The following FAT2 variants were observed in gnomAD, a reference collection of about 807,000 sequenced individuals.
FAT2 encodes the protein FAT atypical cadherin 2.
A neutral mutation model predicts 295.3 loss-of-function variants in FAT2; 150 were observed. The observed-to-expected ratio is 0.51, with a 90% CI of 0.44 to 0.58. The LOEUF (loss-of-function observed/expected upper bound fraction) is 0.58. Ranked by LOEUF, FAT2 falls within the 20% of genes least tolerant of loss-of-function variation. FAT2 has a pLI of 0.00. For missense variants in FAT2, 4,868 were observed against 5,442.7 expected, an observed-to-expected ratio of 0.89 and a Z score of 3.32; for synonymous variants, 2,026 against 2,150.3, an observed-to-expected ratio of 0.94 and a Z score of 1.60.
At chr5:151,581,812 G>C (rs1233614410) in intron 1 of FAT2, among the ~76,000 whole-genome samples, 1 of 152,142 alleles carries the variant, frequency 6.6e-6, no homozygotes, top group African/African-American at 2.4e-5. Flanking sequence ...AATTGTGAAG[G>C]GGGAGGATCA....
At position 151,566,905 on chromosome 5, in the gene FAT2, A is replaced by C; in HGVS notation, c.2027T>G (p.Leu676Trp). 6.2e-7 allele frequency: 1 copy of C among 1,614,164 alleles called. No homozygotes were observed. The highest frequency in any genetic ancestry group is 8.5e-7 in the Non-Finnish European group (1 of 1,180,024). ...VPVTCDKTGV[L>W]TQFTKTILHF... ...GAGGATAGTCTTTGTGAATTGTGTC[A>C]ATACCCCTGTTTTATCACATGTTAC... is the stretch of plus-strand genomic sequence containing the variant. Residue 676 changes from leucine to tryptophan, a missense_variant, in exon 2 of 24, where the codon TTG (leucine) becomes TGG (tryptophan). By Grantham distance (61) the Leu-to-Trp change is moderately conservative. Coordinates refer to ENST00000261800, the MANE Select transcript of FAT2 (RefSeq NM_001447.3).
upstream of FAT2, among the ~76,000 whole-genome samples, chr5:151,592,131 T>A (rs1759435970): frequency 6.6e-6 from 1 of 152,246 alleles, no homozygotes; most frequent in South Asian, 2.1e-4. Flanking sequence ...TGATGCGTTT[T>A]ATGAGGTGCC....
chr5:151,524,333 G>A (rs1581322831), intron 18 of FAT2, among the ~76,000 whole-genome samples: 1 of 152,164 alleles, frequency 6.6e-6, no homozygotes, highest in East Asian at 1.9e-4. Context: ...TGGACTCTAT[G>A]TTTGTGTCCC....
chr5:151,563,203 G>T, intron 3 of FAT2, 122 bp downstream of exon 3: 1 of 912,614 alleles, frequency 1.1e-6, no homozygotes, highest in South Asian at 1.6e-5. Context: ...AGTGGATTTA[G>T]GGTGGGGCCA....
chr5:151,527,260 G>T lies in FAT2; in HGVS notation c.10282C>A (p.Gln3428Lys). 6.2e-7 allele frequency: 1 copy of T among 1,612,546 alleles called. No homozygotes were observed. Among genetic ancestry groups the T allele is most frequent in the Non-Finnish European group, 8.5e-7 (1 of 1,179,002 alleles). The change falls in exon 17 of 24, where the codon CAG (glutamine) becomes AAG (lysine). Residue 3428 changes from glutamine to lysine, a missense_variant. Physicochemically the swap from Gln to Lys is moderately conservative, Grantham distance 53 (BLOSUM62 1). Around this residue, in one of 5 missense-constraint regions of FAT2, gnomAD observed 1,046 missense variants for 1,210.1 expected, o/e 0.86. Coordinates refer to ENST00000261800, the MANE Select transcript of FAT2 (RefSeq NM_001447.3). Reference sequence around the variant, plus strand: ...TGGACAGTGGTGCTGTAGTTGAGCTGGAAGAATCTCGGTGGGTTATCATTG... The same window carrying T: ...TGGACAGTGGTGCTGTAGTTGAGCTTGAAGAATCTCGGTGGGTTATCATTG... ...DVNDNPPRFF[Q>K]LNYSTTVQEN...
chr5:151,527,411 A>G (rs2127586576), intron 16 of FAT2, 34 bp from the exon 17 acceptor site: 1 of 1,552,754 alleles, frequency 6.4e-7, no homozygotes, highest in Non-Finnish European at 8.7e-7. Context: ...GTTAGCAATG[A>G]GGTAGCTGTC....
Position 151,543,119 on chromosome 5 carries a change from G to A in FAT2, c.8008C>T (p.His2670Tyr). The change falls in exon 10 of 24, where the codon CAC becomes TAC. Residue 2670 changes from histidine (H) to tyrosine (Y), a missense_variant. His to Tyr is a moderately conservative substitution (Grantham distance 83). Coordinates refer to ENST00000261800, the MANE Select transcript of FAT2 (RefSeq NM_001447.3). ...FIKAQDGGPP[H>Y]WNSLVPVRLQ... The stretch of plus-strand genomic sequence containing the variant: ...CGTACTGGCACCAGAGAGTTCCAGT[G>A]AGGAGGGCCTCCATCTTGGGCTTTG... 6.2e-7 allele frequency: 1 copy of A among 1,614,180 alleles called. No individual in the cohort carries two copies. Among genetic ancestry groups the A allele is most frequent in the Non-Finnish European group, 8.5e-7 (1 of 1,180,038 alleles).
intron 6 of FAT2, among the ~76,000 whole-genome samples, chr5:151,552,907 C>T (rs146498730): frequency 6.6e-6 from 1 of 152,324 alleles, no homozygotes; most frequent in East Asian, 1.9e-4. Context: ...TTTTAGGTCT[C>T]CTAGGCCCTT....
rs757064776 is a variant in FAT2, at chr5:151,545,959, A to AT, written c.5167dup (p.Ile1723AsnfsTer19). On this transcript the variant is annotated frameshift_variant, in exon 10 of 24. Transcript: ENST00000261800. LOFTEE classifies it high-confidence loss of function. ...TCGGATTTTCAGCTGGTAAGACGAG[A>AT]TTTTCTCATGGTCCAATTTCTTCTG... is the stretch of plus-strand genomic sequence containing the variant. The AT allele has an allele frequency of 1.2e-6, 2 of 1,614,030 alleles. No individual in the cohort carries two copies. The highest frequency in any genetic ancestry group is 1.3e-5 in the African/African-American group (1 of 74,918).
chr5:151,520,436 A>C (rs574048121), intron 19 of FAT2, among the ~76,000 whole-genome samples: 1 of 152,336 alleles, frequency 6.6e-6, no homozygotes, highest in South Asian at 2.1e-4. Flanking sequence ...TTCCAACTGC[A>C]GATGGGGCTA....
Position 151,554,391 on chromosome 5 carries a change from A to C in FAT2, c.3916T>G (p.Phe1306Val), listed in dbSNP as rs1402348007. Residue 1306 changes from phenylalanine (F) to valine (V), a missense_variant, in exon 5 of 24, where the codon TTT becomes GTT. Phe to Val is a conservative substitution (Grantham distance 50). Around this residue, in one of 5 missense-constraint regions of FAT2, gnomAD observed 3,297 missense variants for 3,669.4 expected, o/e 0.90. Coordinates refer to ENST00000261800, the MANE Select transcript of FAT2 (RefSeq NM_001447.3). Reference sequence around the variant, plus strand: ...AGGATGTTGTACTCTCCAGCTGTAAAAGTGCTGCTGGATGAAACCACACCT... The same window carrying C: ...AGGATGTTGTACTCTCCAGCTGTAACAGTGCTGCTGGATGAAACCACACCT... Reference protein sequence around the residue: ...VTGVVSSSSTFTAGEYNILTI... With the variant: ...VTGVVSSSSTVTAGEYNILTI... 1 of 1,614,106 alleles carries C rather than the reference A, an allele frequency of 6.2e-7. No homozygotes were observed. The highest frequency in any genetic ancestry group is 8.5e-7 in the Non-Finnish European group (1 of 1,180,006).
Position 151,544,932 on chromosome 5 carries a change from G to A in FAT2, c.6195C>T (p.Asp2065=), listed in dbSNP as rs2127610862. The A allele has an allele frequency of 1.2e-6, 2 of 1,614,106 alleles. No individual in the cohort carries two copies. Among genetic ancestry groups the A allele is most frequent in the Non-Finnish European group, 1.7e-6 (2 of 1,180,006 alleles). Residue 2065 remains aspartate, a synonymous_variant, in exon 10 of 24, where the codon GAC becomes GAT. Coordinates refer to ENST00000261800, the MANE Select transcript of FAT2 (RefSeq NM_001447.3). ...GCAGATGCTTAAATTTGGGGGGATT[G>A]TCATTGACATCCTCAATAGAGACTC... ...LVRVSIEDVN[D]NPPKFKHLPY...
intron 1 of FAT2, among the ~76,000 whole-genome samples, chr5:151,586,511 G>A (rs957195501): frequency 1.8e-4 from 27 of 152,162 alleles, no homozygotes; most frequent in Admixed American, 1.4e-3. Flanking sequence ...TAATCAATGG[G>A]TAGTGGTGGA....
chr5:151,534,968 AAAATATATATAT>A (rs1485965536), intron 12 of FAT2, among the ~76,000 whole-genome samples: 18 of 52,722 alleles, frequency 3.4e-4, no homozygotes, highest in Admixed American at 1.4e-3. Flanking sequence ...CACTTCTAGG[AAAATATATATAT>A]ATATATATAT....
intron 1 of FAT2, among the ~76,000 whole-genome samples, chr5:151,579,574 AAAAT>A (rs1487643053): frequency 6.6e-6 from 1 of 152,204 alleles, no homozygotes; most frequent in Non-Finnish European, 1.5e-5. Context: ...CCTATCTCTA[AAAAT>A]AAATAAATAA....
chr5:151,544,214 G>A lies in FAT2; in HGVS notation c.6913C>T (p.Arg2305Cys), dbSNP rs200330283. The A allele has an allele frequency of 2.6e-5, 42 of 1,614,186 alleles. No individual in the cohort carries two copies. The East Asian group carries it at 6.0e-4, about 23-fold the overall frequency. ...LASDQDSGRN[R>C]DVSYQIVEDG... ...TCCACAATCTGATAAGAGACGTCAC[G>A]GTTCCGCCCTGAGTCCTGGTCAGAA... The change falls in exon 10 of 24, where the codon CGT becomes TGT. Residue 2305 changes from arginine to cysteine, a missense_variant. Around this residue, in one of 5 missense-constraint regions of FAT2, gnomAD observed 3,297 missense variants for 3,669.4 expected, o/e 0.90. Transcript: ENST00000261800.
At chr5:151,540,910 ACT>A in intron 10 of FAT2, 147 bp from the exon 11 acceptor site, 3 of 667,552 alleles carry the variant, frequency 4.5e-6, no homozygotes, top group Non-Finnish European at 7.3e-6. Flanking sequence ...ACGATTCTAC[ACT>A]GAGTCCACTT....
rs200776651 is a variant in FAT2 at position 151,531,966 on chromosome 5, G to A, written c.9432C>T (p.Ala3144=). 8.5e-4 allele frequency: 1,369 copies of A among 1,614,100 alleles called. 17 individuals carry two copies. The highest frequency in any genetic ancestry group is 1.9e-4 in the Non-Finnish European group (229 of 1,179,986). Residue 3144 remains alanine, a synonymous_variant, in exon 14 of 24, where the codon GCC becomes GCT. Coordinates refer to ENST00000261800, the MANE Select transcript of FAT2 (RefSeq NM_001447.3). The surrounding 1 kb of genome is among the most constrained non-coding windows in gnomAD (Gnocchi z 5.7). ...GCAGAGAGTAAACCACCTGGGCATT[G>A]GCGCCTGGCAGGGAGACCAAGGGTG... is the stretch of plus-strand genomic sequence containing the variant. ...VVFARDPDQG[A]NAQVVYSLPD...
chr5:151,528,035 C>A lies in FAT2; in HGVS notation c.10125G>T (p.Lys3375Asn), dbSNP rs537572571. The change falls in exon 16 of 24, where the codon AAG (lysine) becomes AAT (asparagine). Residue 3375 changes from lysine to asparagine, a missense_variant. Physicochemically the swap from Lys to Asn is moderately conservative, Grantham distance 94 (BLOSUM62 0). This residue lies in a region of FAT2 where 1,046 missense variants were observed against 1,210.1 expected (regional missense o/e 0.86). Transcript: ENST00000261800. ...GGGCCTTGGCCACCTGTAGCTCCCC[C>A]TTTTTGGGGTGAATGGTGAAGTGCC... ...QLGHFTIHPK[K>N]GELQVAKALD... 1.2e-5 allele frequency: 19 copies of A among 1,614,230 alleles called. No homozygotes were observed. In the South Asian group the frequency reaches 2.0e-4, roughly 17 times the overall value.
Sources: allele counts gnomAD v4.1 joint callset (sites outside exome capture counted in the v4.1 genomes callset), GRCh38; gene constraint gnomAD v4.1.1; regional missense constraint gnomAD v4.1.1; non-coding constraint Gnocchi (gnomAD v3.1); transcripts MANE v1.5; gene names NCBI Gene and HGNC (gene_info 2026-07-23, HGNC 2026-07-21).